PALB2: variants seen among roughly 807,000 people sequenced by gnomAD.
PALB2 encodes mutant partner and localizer of BRCA2.
In PALB2, 82 loss-of-function variants were observed where a neutral mutation model predicts 107.4. The ratio of observed to expected loss-of-function variants is 0.76; its 90% CI spans 0.64 to 0.92. PALB2 has a LOEUF of 0.92. Among genes scored for constraint, PALB2 ranks in the 40% least tolerant of loss-of-function variants. The pLI is 0.00. For synonymous variants in PALB2, 489 were observed against 496.8 expected (o/e 0.98, Z 0.21); for missense variants, 1,374 against 1,379.9 (o/e 1.00, Z 0.07).
At position 23,629,648 on chromosome 16, in the gene PALB2, CGGAATGTT is replaced by C. The variant is rs1567217128; in HGVS notation, c.2498_2505del (p.Lys833SerfsTer5). The C allele has an allele frequency of 6.2e-7, 1 of 1,613,964 alleles. No individual in the cohort carries two copies. Among genetic ancestry groups the C allele is most frequent in the South Asian group, 1.1e-5 (1 of 91,090 alleles). Reference sequence around the variant, plus strand: ...GAGGAAATGGATTGTACCTGTTCGACGGAATGTTTATGCAGCTCCTGGCATGTGTTTCT... The same window carrying C: ...GAGGAAATGGATTGTACCTGTTCGACTATGCAGCTCCTGGCATGTGTTTCT... On this transcript the variant is annotated frameshift_variant, in exon 5 of 13. Transcript: ENST00000261584. LOFTEE classifies it high-confidence loss of function.
chr16:23,603,569 G>A lies in PALB2; in HGVS notation c.3451C>T (p.Leu1151Phe), dbSNP rs786203462. The A allele has an allele frequency of 8.1e-6, 13 of 1,613,956 alleles. No homozygotes were observed. Among genetic ancestry groups the A allele is most frequent in the Middle Eastern group, 1.6e-4 (1 of 6,084 alleles). Residue 1151 changes from leucine to phenylalanine, a missense_variant, in exon 13 of 13, where the codon CTC (leucine) becomes TTC (phenylalanine). Coordinates refer to ENST00000261584, the MANE Select transcript of PALB2 (RefSeq NM_024675.4). ...DLLLGQCTAL[L>F]PPVSDQHWSF... ...CAATGTTGGTCAGAGACAGGTGGGA[G>A]GAGGGCAGTACACTGACCGAGAAGT...
In PALB2 at chr16:23,636,170, C is replaced by T. The variant is rs577006107; in HGVS notation, c.376G>A (p.Glu126Lys). The T allele has an allele frequency of 8.7e-6, 14 of 1,612,508 alleles. No homozygotes were observed. The South Asian group carries it at 1.3e-4, about 15-fold the overall frequency. ...TCACTGACCCTGTGGGGAAAATGTTCTTGGGTGTCATCTGTTCTTTGTATA... is the reference window on the plus strand; with the variant it reads ...TCACTGACCCTGTGGGGAAAATGTTTTTGGGTGTCATCTGTTCTTTGTATA... ...LPIQRTDDTQ[E>K]HFPHRVSDPS... is the part of the protein sequence containing the mutation. Residue 126 changes from glutamate to lysine, a missense_variant, in exon 4 of 13, where the codon GAA becomes AAA. Transcript: ENST00000261584.
At chr16:23,638,664 C>A in intron 1 of PALB2, 1 of 400,838 alleles carries the variant, frequency 2.5e-6, no homozygotes, top group Non-Finnish European at 5.0e-6. Context: ...AATTTACATA[C>A]AGTGAGGGAG....
Position 23,624,100 on chromosome 16 carries a change from TAAAAC to T in PALB2, c.2749-11_2749-7del, listed in dbSNP as rs1966828376. The T allele has an allele frequency of 1.3e-6, 2 of 1,593,302 alleles. No individual in the cohort carries two copies. The highest frequency in any genetic ancestry group is 2.7e-5 in the African/African-American group (2 of 74,456). The stretch of plus-strand genomic sequence containing the variant: ...ACTATCTGTAATACTGGAACCTAAA[TAAAAC>T]AAAGCAGCCAAAAATTATGCTTGGT... On this transcript the variant is annotated splice_region_variant and splice_polypyrimidine_tract_variant and intron_variant, in intron 7 of 12. Coordinates refer to ENST00000261584, the MANE Select transcript of PALB2 (RefSeq NM_024675.4).
In PALB2 at chr16:23,626,231, C is replaced by T. The variant is rs2142352820; in HGVS notation, c.2748+5G>A. On this transcript the variant is annotated splice_donor_5th_base_variant and intron_variant, in intron 7 of 12. Coordinates refer to ENST00000261584, the MANE Select transcript of PALB2 (RefSeq NM_024675.4). ...GATCTCTTTCAGCTCGAGATTCCCA[C>T]TTACCTCTGCGAAGTGCCAGGTATA... 6.2e-7 allele frequency: 1 copy of T among 1,614,222 alleles called. No homozygotes were observed. The highest frequency in any genetic ancestry group is 8.5e-7 in the Non-Finnish European group (1 of 1,180,040).
intron 3 of PALB2, among the ~76,000 whole-genome samples, chr16:23,636,569 CTATCTGATGGAGTATG>C (rs1475571229): frequency 6.6e-6 from 1 of 152,086 alleles, no homozygotes; most frequent in East Asian, 1.9e-4. Flanking sequence ...ACTACTTCTA[CTATCTGATGGAGTATG>C]TAAAGGAACT....
At chr16:23,638,840 G>A (rs921485141) in intron 1 of PALB2, among the ~76,000 whole-genome samples, 2 of 152,142 alleles carry the variant, frequency 1.3e-5, no homozygotes, top group African/African-American at 4.8e-5. Context: ...GACTGAATGA[G>A]GAAGGAGCTA....
intron 11 of PALB2, among the ~76,000 whole-genome samples, chr16:23,611,073 TGTCA>T (rs904272963): frequency 2.1e-5 from 3 of 143,598 alleles, no homozygotes; most frequent in Non-Finnish European, 4.6e-5. Context: ...TGAATTCAAC[TGTCA>T]GTCTATCTAT....
chr16:23,631,576 A>G (rs147445651), intron 4 of PALB2, among the ~76,000 whole-genome samples: 2 of 152,336 alleles, frequency 1.3e-5, no homozygotes, highest in African/African-American at 4.8e-5. Flanking sequence ...AAAACAGTGT[A>G]TGGTCAATAG....
chr16:23,611,016 G>C (rs1966575046), intron 11 of PALB2, among the ~76,000 whole-genome samples: 1 of 151,986 alleles, frequency 6.6e-6, no homozygotes, highest in African/African-American at 2.4e-5. Flanking sequence ...TCCAGCCTGG[G>C]TGACAGAGCA....
chr16:23,638,752 A>G (rs1967129313), intron 1 of PALB2, among the ~76,000 whole-genome samples: 1 of 152,224 alleles, frequency 6.6e-6, no homozygotes, highest in African/African-American at 2.4e-5. Context: ...GTGATATGAG[A>G]GAGTTACTGG....
chr16:23,635,620 A>C lies in PALB2; in HGVS notation c.926T>G (p.Ile309Arg), dbSNP rs201588519. 2.5e-6 allele frequency: 4 copies of C among 1,614,084 alleles called. No individual in the cohort carries two copies. The highest frequency in any genetic ancestry group is 3.4e-6 in the Non-Finnish European group (4 of 1,179,968). The change falls in exon 4 of 13, where the codon ATA (isoleucine) becomes AGA (arginine). Residue 309 changes from isoleucine (I) to arginine (R), a missense_variant. Physicochemically the swap from Ile to Arg is moderately conservative, Grantham distance 97. Coordinates refer to ENST00000261584, the MANE Select transcript of PALB2 (RefSeq NM_024675.4). ...STDNLLVNKA[I>R]SKSGQLPTSS... ...TGTGGGCAGTTGGCCACTTTTACTT[A>C]TAGCTTTATTTACAAGGAGGTTATC...
Position 23,603,227 on chromosome 16 carries a change from C to A in PALB2, c.*232G>T, listed in dbSNP as rs180748355. ...ATGTACACCTTTAAAAGCACATGTA[C>A]AAATGTGGGAAATTACAAAAATCAA... is the stretch of plus-strand genomic sequence containing the variant. On this transcript the variant is annotated 3_prime_UTR_variant, in exon 13 of 13. Transcript: ENST00000261584. The A allele has an allele frequency of 4.7e-4, 238 of 503,044 alleles. No individual in the cohort carries two copies. The highest frequency in any genetic ancestry group is 4.3e-3 in the African/African-American group (224 of 52,438). The allele number at this position is 503,044 out of a possible 1,614,324, so 31.2% of individuals were successfully genotyped here.
chr16:23,630,428 T>C lies in PALB2; in HGVS notation c.1726A>G (p.Ser576Gly). Residue 576 changes from serine (S) to glycine (G), a missense_variant, in exon 5 of 13, where the codon AGT (serine) becomes GGT (glycine). Ser to Gly is a moderately conservative substitution (Grantham distance 56). Transcript: ENST00000261584. ...TCCAAGGATAAATAAGCACTATTAC[T>C]CCAAGAAAGGGAATCCTCTTTTTGA... ...RHQKEDSLSW[S>G]NSAYLSLDDD... 6.2e-7 allele frequency: 1 copy of C among 1,613,834 alleles called. No homozygotes were observed. The highest frequency in any genetic ancestry group is 1.3e-5 in the African/African-American group (1 of 75,028).
At chr16:23,618,750 C>T (rs13330119) in intron 10 of PALB2, among the ~76,000 whole-genome samples, 27,336 of 151,934 alleles carry the variant, frequency 0.18, 2,554 homozygotes, top group African/African-American at 0.22. Flanking sequence ...ATTATTTTAA[C>T]AGTTCAGGAG....
chr16:23,611,078 G>GTCTGTCTATCTATCTATCTATCTA (rs374181299), intron 11 of PALB2, among the ~76,000 whole-genome samples: 1 of 148,090 alleles, frequency 6.8e-6, no homozygotes. Context: ...TCAACTGTCA[G>GTCTGTCTATCTATCTATCTATCTA]TCTATCTATC....
chr16:23,630,995 G>A (rs1172742568), intron 4 of PALB2, among the ~76,000 whole-genome samples: 2 of 151,220 alleles, frequency 1.3e-5, no homozygotes, highest in East Asian at 3.9e-4. Context: ...CAGGCATGGT[G>A]CCTCACACTT....
chr16:23,609,524 AT>A (rs944176754), intron 11 of PALB2, among the ~76,000 whole-genome samples: 9 of 148,698 alleles, frequency 6.1e-5, no homozygotes, highest in East Asian at 2.0e-4. Flanking sequence ...ACCCAACACA[AT>A]TTTTTTTTTT....
intron 1 of PALB2, among the ~76,000 whole-genome samples, chr16:23,639,950 C>T (rs1967175201): frequency 1.3e-5 from 2 of 151,800 alleles, no homozygotes; most frequent in Non-Finnish European, 2.9e-5. Context: ...GGCGCGATCT[C>T]GGCAGCTCCC....
Sources: gnomAD v4.1 joint callset for allele counts (sites outside exome capture counted in the v4.1 genomes callset) on GRCh38, gnomAD v4.1.1 for gene constraint, MANE v1.5 for transcripts, NCBI Gene and HGNC (gene_info 2026-07-23, HGNC 2026-07-21) for gene names.